Variants in GRIA1 observed in about 807,000 individuals in gnomAD.
The protein encoded by GRIA1 is glutamate receptor 1.
Under a neutral mutation model 99.2 loss-of-function variants are expected in GRIA1, and 31 were observed. That is an observed-to-expected ratio of 0.31 (90% CI 0.23 to 0.42). The LOEUF is 0.42. Among genes scored for constraint, GRIA1 ranks in the 10% least tolerant of loss-of-function variants. GRIA1 has a pLI of 1.00. For missense variants in GRIA1, 782 were observed against 1,157.5 expected, an observed-to-expected ratio of 0.68 and a Z score of 4.71; for synonymous variants, 438 against 432.4, an observed-to-expected ratio of 1.01 and a Z score of -0.16.
rs1766829656 is a variant in GRIA1, at chr5:153,811,699, G to C, written c.*474G>C. 1 of 154,528 alleles carries C rather than the reference G, an allele frequency of 6.5e-6. No homozygotes were observed. The highest frequency in any genetic ancestry group is 1.4e-5 in the Non-Finnish European group (1 of 69,718). The allele number at this position is 154,528 out of a possible 1,614,324, so 9.6% of individuals were successfully genotyped here. ...CCTACCCACCCCTCTTCAGTTTTCAGATTGGAGATTCAAGATTTGTTCCAC... is the reference window on the plus strand; with the variant it reads ...CCTACCCACCCCTCTTCAGTTTTCACATTGGAGATTCAAGATTTGTTCCAC... On this transcript the variant is annotated 3_prime_UTR_variant, in exon 16 of 16. Coordinates refer to ENST00000285900, the MANE Select transcript of GRIA1 (RefSeq NM_000827.4).
intron 11 of GRIA1, among the ~76,000 whole-genome samples, chr5:153,727,328 G>C (rs1760631733): frequency 6.6e-6 from 1 of 152,152 alleles, no homozygotes; most frequent in South Asian, 2.1e-4. Flanking sequence ...ACTGGCACAA[G>C]ACAGGGATGC....
At chr5:153,563,779 G>A (rs1278796177) in intron 2 of GRIA1, among the ~76,000 whole-genome samples, 1 of 152,164 alleles carries the variant, frequency 6.6e-6, no homozygotes, top group Non-Finnish European at 1.5e-5. Flanking sequence ...CCCTTCAAGG[G>A]AAACAAATGT....
intron 8 of GRIA1, among the ~76,000 whole-genome samples, chr5:153,696,179 T>A (rs1758082546): frequency 6.6e-6 from 1 of 152,206 alleles, no homozygotes; most frequent in South Asian, 2.1e-4. Context: ...TACTTCACTT[T>A]CCACGTCTCG....
At chr5:153,620,620 C>T (rs1349288697) in intron 2 of GRIA1, among the ~76,000 whole-genome samples, 3 of 152,190 alleles carry the variant, frequency 2.0e-5, no homozygotes, top group Admixed American at 2.0e-4. Context: ...TAGCACTTGA[C>T]ATGATTTCTT....
intron 11 of GRIA1, among the ~76,000 whole-genome samples, chr5:153,723,296 C>T (rs1039293345): frequency 2.0e-5 from 3 of 152,216 alleles, no homozygotes; most frequent in Non-Finnish European, 4.4e-5. Flanking sequence ...CTCCGGTCTA[C>T]AGCTCCCAGC....
At chr5:153,533,648 T>A (rs1008698426) in intron 2 of GRIA1, among the ~76,000 whole-genome samples, 1 of 152,222 alleles carries the variant, frequency 6.6e-6, no homozygotes, top group African/African-American at 2.4e-5. Context: ...TGGTGAATTT[T>A]TATTTTTATT....
chr5:153,739,058 A>T, intron 11 of GRIA1, among the ~76,000 whole-genome samples: 1 of 144,424 alleles, frequency 6.9e-6, no homozygotes, highest in African/African-American at 2.6e-5. Flanking sequence ...ACCCTAATTC[A>T]TTCTCCATTC....
intron 2 of GRIA1, among the ~76,000 whole-genome samples, chr5:153,570,729 G>C (rs1762040089): frequency 6.6e-6 from 1 of 151,980 alleles, no homozygotes; most frequent in Non-Finnish European, 1.5e-5. Flanking sequence ...AGTCATAATG[G>C]TACTTACAAG....
chr5:153,523,950 C>A (rs781353630), intron 2 of GRIA1, among the ~76,000 whole-genome samples: 2 of 152,146 alleles, frequency 1.3e-5, no homozygotes, highest in African/African-American at 2.4e-5. Context: ...TCTTAGGCAA[C>A]GGTTCTCAAG....
intron 5 of GRIA1, among the ~76,000 whole-genome samples, chr5:153,672,493 A>G (rs1756263082): frequency 1.3e-5 from 2 of 152,222 alleles, no homozygotes; most frequent in South Asian, 4.1e-4. Flanking sequence ...AAGGAGCCAG[A>G]CAGGGAAATC....
chr5:153,662,680 C>A (rs981174515), intron 5 of GRIA1, among the ~76,000 whole-genome samples: 1 of 152,196 alleles, frequency 6.6e-6, no homozygotes, highest in Non-Finnish European at 1.5e-5. Context: ...AGGAGGTGAT[C>A]TGTCTGAATT....
At chr5:153,696,768 G>A (rs1758135301) in intron 8 of GRIA1, among the ~76,000 whole-genome samples, 1 of 152,094 alleles carries the variant, frequency 6.6e-6, no homozygotes, top group African/African-American at 2.4e-5. Context: ...CCAGCAGAAT[G>A]ATCACAAAAC....
chr5:153,690,233 A>G (rs1308707855), intron 8 of GRIA1, among the ~76,000 whole-genome samples: 3 of 151,834 alleles, frequency 2.0e-5, no homozygotes, highest in African/African-American at 7.3e-5. Context: ...CTAAGGAAAG[A>G]AGATGGAAGT....
intron 2 of GRIA1, among the ~76,000 whole-genome samples, chr5:153,596,739 G>T (rs1421008312): frequency 1.3e-5 from 2 of 152,190 alleles, no homozygotes; most frequent in Non-Finnish European, 2.9e-5. Flanking sequence ...CTTCTCAAAT[G>T]AAATGTAATA....
intron 2 of GRIA1, among the ~76,000 whole-genome samples, chr5:153,615,586 G>C (rs1203845704): frequency 6.6e-6 from 1 of 152,210 alleles, no homozygotes; most frequent in African/African-American, 2.4e-5. Context: ...CGAGGCTGCA[G>C]TGAGCTATGA....
chr5:153,543,855 G>A (rs981307779), intron 2 of GRIA1, among the ~76,000 whole-genome samples: 1 of 152,144 alleles, frequency 6.6e-6, no homozygotes, highest in Non-Finnish European at 1.5e-5. Flanking sequence ...ACAAACTAAA[G>A]TGCCTGCCCT....
At chr5:153,622,625 C>G (rs1195302734) in intron 2 of GRIA1, among the ~76,000 whole-genome samples, 1 of 152,142 alleles carries the variant, frequency 6.6e-6, no homozygotes, top group Non-Finnish European at 1.5e-5. Context: ...AGGCTTTCTT[C>G]TCTGAGATTT....
At position 153,728,105 on chromosome 5, in the gene GRIA1, T is replaced by G. The variant is rs138803630; in HGVS notation, c.1823+22038T>G. 8.0e-5 allele frequency among the ~76,000 whole-genome samples: 12 copies of G among 150,792 alleles called. No individual in the cohort carries two copies. The East Asian group carries it at 2.4e-3, about 30-fold the overall frequency. ...ATATCTACAACTATCTTATCTTTGA[T>G]AAACCTGAGAAAAATAAGCAATGGG... On this transcript the variant is annotated intron_variant, in intron 11 of 15. Transcript: ENST00000285900.
intron 11 of GRIA1, among the ~76,000 whole-genome samples, chr5:153,714,100 A>G (rs1759503851): frequency 6.6e-6 from 1 of 152,224 alleles, no homozygotes. Flanking sequence ...TGTAGGTTCA[A>G]TAGCATAGGA....
Sources: allele counts gnomAD v4.1 joint callset (sites outside exome capture counted in the v4.1 genomes callset), GRCh38; gene constraint gnomAD v4.1.1; transcripts MANE v1.5; gene names NCBI Gene and HGNC (gene_info 2026-07-23, HGNC 2026-07-21).